FYN: variants seen among roughly 807,000 people sequenced by gnomAD.
FYN encodes tyrosine-protein kinase Fyn.
A neutral mutation model predicts 70.2 loss-of-function variants in FYN; 10 were observed. That is an observed-to-expected ratio of 0.14 (90% CI 0.09 to 0.24). The LOEUF (loss-of-function observed/expected upper bound fraction) is 0.24. Among genes scored for constraint, FYN ranks in the 10% least tolerant of loss-of-function variants. The pLI, the probability that FYN is intolerant of heterozygous loss-of-function variation, is 1.00. For missense variants in FYN, 319 were observed against 673.1 expected (o/e 0.47, Z 5.82); for synonymous variants, 236 against 248.6 (o/e 0.95, Z 0.48).
chr6:111,734,702 CT>C lies in FYN; in HGVS notation c.-11-14641del, dbSNP rs145842375. 5.4e-3 allele frequency among the ~76,000 whole-genome samples: 828 copies of C among 152,278 alleles called. 8 individuals carry two copies. Among genetic ancestry groups the C allele is most frequent in the African/African-American group, 0.019 (787 of 41,540 alleles). ...AACAAGAATGAAGAAACGACCCCCC[CT>C]ACCCCAAACAAAAGTTACTCCGAAA... On this transcript the variant is annotated intron_variant, in intron 3 of 13. Transcript: ENST00000354650.
At chr6:111,844,424 AAC>A in intron 2 of FYN, among the ~76,000 whole-genome samples, 1 of 152,210 alleles carries the variant, frequency 6.6e-6, no homozygotes, top group East Asian at 1.9e-4. Flanking sequence ...TGGATAGGTA[AAC>A]ACAGACAAAA....
intron 12 of FYN, among the ~76,000 whole-genome samples, chr6:111,684,711 AACTTATGGGG>A: frequency 6.6e-6 from 1 of 152,160 alleles, no homozygotes; most frequent in East Asian, 1.9e-4. Context: ...AACCCAGGGT[AACTTATGGGG>A]GCAACACAAA....
chr6:111,822,312 G>T (rs1384256353), intron 2 of FYN, among the ~76,000 whole-genome samples: 1 of 152,176 alleles, frequency 6.6e-6, no homozygotes, highest in Non-Finnish European at 1.5e-5. Flanking sequence ...AAAAAAGGAT[G>T]AGTTCATGTC....
chr6:111,680,211 T>C (rs1186489304), intron 12 of FYN, among the ~76,000 whole-genome samples: 1 of 152,216 alleles, frequency 6.6e-6, no homozygotes, highest in Non-Finnish European at 1.5e-5. Flanking sequence ...TGTTCTTTCT[T>C]CCTACCACAA....
Position 111,768,571 on chromosome 6 carries a change from CGAAT to C in FYN, c.-12+11991_-12+11994del, listed in dbSNP as rs1379358207. Among the ~76,000 whole-genome samples, 9 of 152,248 alleles carry C rather than the reference CGAAT, an allele frequency of 5.9e-5. No individual in the cohort carries two copies. The East Asian group carries it at 1.5e-3, about 26-fold the overall frequency. On this transcript the variant is annotated intron_variant, in intron 3 of 13. Transcript: ENST00000354650. ...GCCAGGGCCCTGTTCTCCGGGACTC[CGAAT>C]GAATGGAGGGACAGTGGGGCCTGGG...
At chr6:111,667,990 C>T (rs935575913) in intron 13 of FYN, among the ~76,000 whole-genome samples, 5 of 152,176 alleles carry the variant, frequency 3.3e-5, no homozygotes, top group Admixed American at 1.3e-4. Context: ...CTGAGCTTTC[C>T]GTTCAAAGGG....
At chr6:111,734,892 G>A (rs766399035) in intron 3 of FYN, among the ~76,000 whole-genome samples, 2 of 152,172 alleles carry the variant, frequency 1.3e-5, no homozygotes, top group Non-Finnish European at 2.9e-5. Flanking sequence ...AGGGCTGCCG[G>A]TATAAAGTCA....
rs1797731534 is a variant in FYN, at chr6:111,661,574, CAA to C, written c.*163_*164del. On this transcript the variant is annotated 3_prime_UTR_variant, in exon 14 of 14. Transcript: ENST00000354650. This position sits in a 1 kb window ranked among gnomAD's most constrained non-coding sequence, Gnocchi z 4.0. ...CACAGAGGAGGTTCGGATTTGGGGA[CAA>C]GTGTCATTAATGAGGGCCATGGAAG... The C allele has an allele frequency of 3.1e-6, 2 of 637,244 alleles. No homozygotes were observed. Among genetic ancestry groups the C allele is most frequent in the Non-Finnish European group, 5.5e-6 (2 of 364,278 alleles). 39.5% of individuals were successfully genotyped at this position (637,244 alleles called of 1,614,324 possible).
chr6:111,709,266 T>C (rs1446565049), intron 5 of FYN, among the ~76,000 whole-genome samples: 2 of 152,168 alleles, frequency 1.3e-5, no homozygotes, highest in Non-Finnish European at 2.9e-5. Flanking sequence ...TGTTAGCTTC[T>C]GGCCATGGTA....
intron 13 of FYN, among the ~76,000 whole-genome samples, chr6:111,666,388 G>C (rs1798007753): frequency 6.6e-6 from 1 of 152,060 alleles, no homozygotes; most frequent in Non-Finnish European, 1.5e-5. Context: ...TTGGGGCTGG[G>C]GAGCCAGCAA....
At chr6:111,797,665 CATATAT>C (rs57984132) in intron 2 of FYN, among the ~76,000 whole-genome samples, 5,811 of 89,456 alleles carry the variant, frequency 0.065, 301 homozygotes, top group Non-Finnish European at 0.097. Flanking sequence ...ATCAAAGTTT[CATATAT>C]ATATATATAT....
chr6:111,828,601 G>A (rs976358590), intron 2 of FYN, among the ~76,000 whole-genome samples: 1 of 152,142 alleles, frequency 6.6e-6, no homozygotes, highest in Non-Finnish European at 1.5e-5. Context: ...TTTGACACAC[G>A]CTACAACATA....
intron 1 of FYN, among the ~76,000 whole-genome samples, chr6:111,851,145 G>A (rs886992528): frequency 1.3e-5 from 2 of 152,022 alleles, no homozygotes; most frequent in Non-Finnish European, 2.9e-5. Flanking sequence ...GGGCATCTAG[G>A]GGAAGACTCT....
intron 3 of FYN, among the ~76,000 whole-genome samples, chr6:111,735,899 C>T (rs968697940): frequency 2.6e-5 from 4 of 152,200 alleles, no homozygotes; most frequent in African/African-American, 9.7e-5. Flanking sequence ...TACTTTGGAA[C>T]TATATAAGTG....
chr6:111,767,911 G>T (rs1562512860), intron 3 of FYN, among the ~76,000 whole-genome samples: 1 of 152,102 alleles, frequency 6.6e-6, no homozygotes, highest in Non-Finnish European at 1.5e-5. Flanking sequence ...ACTAATGAGG[G>T]TGTAAAAACT....
At chr6:111,813,411 G>A (rs1195230613) in intron 2 of FYN, among the ~76,000 whole-genome samples, 1 of 152,154 alleles carries the variant, frequency 6.6e-6, no homozygotes, top group Non-Finnish European at 1.5e-5. Context: ...TAATCATACT[G>A]CACTAGCCTC....
chr6:111,811,018 G>A (rs1000964795), intron 2 of FYN, among the ~76,000 whole-genome samples: 1 of 152,208 alleles, frequency 6.6e-6, no homozygotes, highest in African/African-American at 2.4e-5. Flanking sequence ...ATAAAAGTGT[G>A]TTTTACTAAA....
At chr6:111,683,722 T>C (rs1798870314) in intron 12 of FYN, among the ~76,000 whole-genome samples, 1 of 79,614 alleles carries the variant, frequency 1.3e-5, no homozygotes, top group Non-Finnish European at 2.2e-5. Context: ...CTCTGGGTAA[T>C]AAAACAAAAA....
At chr6:111,701,685 G>A (rs938084719) in intron 8 of FYN, among the ~76,000 whole-genome samples, 4 of 152,150 alleles carry the variant, frequency 2.6e-5, no homozygotes, top group Non-Finnish European at 4.4e-5. Flanking sequence ...TGGGGATCCT[G>A]CTGATGTTTG....
Sources: gnomAD v4.1 joint callset for allele counts (sites outside exome capture counted in the v4.1 genomes callset) on GRCh38, gnomAD v4.1.1 for gene constraint, Gnocchi (gnomAD v3.1) non-coding constraint, MANE v1.5 for transcripts, NCBI Gene and HGNC (gene_info 2026-07-23, HGNC 2026-07-21) for gene names.